RPAP2: variants seen among roughly 807,000 people sequenced by gnomAD.
RPAP2 encodes putative RNA polymerase II subunit B1 CTD phosphatase RPAP2.
In RPAP2, 52 loss-of-function variants were observed where a neutral mutation model predicts 73.1. That is an observed-to-expected ratio of 0.71 (90% CI 0.57 to 0.90). The LOEUF (loss-of-function observed/expected upper bound fraction) is 0.90, where lower values mean the gene tolerates loss of function less well. Ranked by LOEUF, RPAP2 falls within the 40% of genes least tolerant of loss-of-function variation. The pLI is 0.00. For synonymous variants in RPAP2, 225 were observed against 242.1 expected, an observed-to-expected ratio of 0.93 and a Z score of 0.65; for missense variants, 598 against 701.8, an observed-to-expected ratio of 0.85 and a Z score of 1.67.
At chr1:92,307,126 C>G in intron 5 of RPAP2, 62 bp from the exon 6 acceptor site, 1 of 1,099,500 alleles carries the variant, frequency 9.1e-7, no homozygotes, top group South Asian at 1.4e-5. Flanking sequence ...TTTATACTCT[C>G]AACTGTATGT....
rs1656112088 is a variant in RPAP2, at chr1:92,393,705, A to C, written c.*6694A>C. 1 of 152,258 alleles carries C rather than the reference A, an allele frequency of 6.6e-6. No homozygotes were observed. Among genetic ancestry groups the C allele is most frequent in the South Asian group, 2.1e-4 (1 of 4,838 alleles). The allele number at this position is 152,258 out of a possible 1,614,324, so 9.4% of individuals were successfully genotyped here. On this transcript the variant is annotated 3_prime_UTR_variant, in exon 13 of 13. Coordinates refer to ENST00000610020, the MANE Select transcript of RPAP2 (RefSeq NM_024813.3). ...ACTTCTCAAAAGAAGACATTTATGC[A>C]GCCAACAGACATATGAAAAAATGCT...
In RPAP2 at chr1:92,305,432, C is replaced by CAAAAAAAAAAA. The variant is rs71091273; in HGVS notation, c.399+1092_399+1102dup. Among the ~76,000 whole-genome samples, 35 of 52,686 alleles carry CAAAAAAAAAAA rather than the reference C, an allele frequency of 6.6e-4. 5 individuals are homozygous for CAAAAAAAAAAA. The highest frequency in any genetic ancestry group is 3.5e-3 in the African/African-American group (26 of 7,522). The allele number at this position is 52,686 out of a possible 152,430, so 34.6% of individuals were successfully genotyped here. ...GGGGCAACAGAGTGAGGCTCCGTCT[C>CAAAAAAAAAAA]AAAAAAAAAAAAAAAAAAAGACAAT... On this transcript the variant is annotated intron_variant, in intron 5 of 12. Transcript: ENST00000610020.
chr1:92,320,918 T>C (rs1652216593), intron 7 of RPAP2, among the ~76,000 whole-genome samples: 1 of 152,264 alleles, frequency 6.6e-6, no homozygotes, highest in African/African-American at 2.4e-5. Context: ...TCAGATACCA[T>C]GCTTCTTTGT....
intron 11 of RPAP2, among the ~76,000 whole-genome samples, chr1:92,367,241 A>G (rs958945934): frequency 6.6e-6 from 1 of 152,238 alleles, no homozygotes; most frequent in Non-Finnish European, 1.5e-5. Context: ...CCTCAAATAT[A>G]ACCGTATAGC....
At position 92,387,134 on chromosome 1, in the gene RPAP2, T is replaced by A. The variant is rs1441107366; in HGVS notation, c.*123T>A. ...ATTCCAAGACATACCTTTACCTCTT[T>A]AAGTTTCAATCTCCCATCTCCCAGT... On this transcript the variant is annotated 3_prime_UTR_variant, in exon 13 of 13. Transcript: ENST00000610020. 1.0e-6 allele frequency: 1 copy of A among 977,644 alleles called. No homozygotes were observed. Among genetic ancestry groups the A allele is most frequent in the African/African-American group, 1.6e-5 (1 of 60,778 alleles). The allele number at this position is 977,644 out of a possible 1,614,324, so 60.6% of individuals were successfully genotyped here.
At chr1:92,380,222 G>A (rs1655569498) in intron 11 of RPAP2, among the ~76,000 whole-genome samples, 1 of 151,092 alleles carries the variant, frequency 6.6e-6, no homozygotes, top group Admixed American at 6.6e-5. Flanking sequence ...AGGTTGCAGT[G>A]AGCTGAGATT....
chr1:92,333,124 A>G, intron 8 of RPAP2: 1 of 368,044 alleles, frequency 2.7e-6, no homozygotes, highest in Non-Finnish European at 4.9e-6. Context: ...TTTTGTTTAC[A>G]TTTTATTATT....
intron 11 of RPAP2, among the ~76,000 whole-genome samples, chr1:92,362,067 A>G (rs1010274853): frequency 9.9e-5 from 15 of 152,208 alleles, no homozygotes; most frequent in South Asian, 2.1e-4. Context: ...TCAAGAGGCA[A>G]ACTCTTCCTT....
At chr1:92,340,984 A>G (rs1244077629) in intron 10 of RPAP2, among the ~76,000 whole-genome samples, 1 of 152,148 alleles carries the variant, frequency 6.6e-6, no homozygotes, top group Non-Finnish European at 1.5e-5. Context: ...TATGAATTTC[A>G]AATTATGTTT....
intron 9 of RPAP2, among the ~76,000 whole-genome samples, chr1:92,336,078 A>G (rs1653262968): frequency 6.6e-6 from 1 of 152,196 alleles, no homozygotes; most frequent in African/African-American, 2.4e-5. Context: ...ACAGGTAAGT[A>G]AAACTAGGGA....
At chr1:92,368,224 C>T (rs892759592) in intron 11 of RPAP2, among the ~76,000 whole-genome samples, 18 of 152,092 alleles carry the variant, frequency 1.2e-4, no homozygotes, top group Admixed American at 6.6e-4. Flanking sequence ...AATAAAAATA[C>T]ATAAATTAGC....
rs554260535 is a variant in RPAP2 at position 92,326,622 on chromosome 1, A to T, written c.1455+2247A>T. 4.6e-5 allele frequency among the ~76,000 whole-genome samples: 7 copies of T among 152,260 alleles called. No individual in the cohort carries two copies. The South Asian group carries it at 1.5e-3, about 32-fold the overall frequency. ...CGTCTGAACTCAAGACTCCTTGGGCAGGGCTTGCTGTGGCTGTTGTGGGGG... is the reference window on the plus strand; with the variant it reads ...CGTCTGAACTCAAGACTCCTTGGGCTGGGCTTGCTGTGGCTGTTGTGGGGG... On this transcript the variant is annotated intron_variant, in intron 8 of 12. Transcript: ENST00000610020.
At chr1:92,329,176 G>C (rs1652816391) in intron 8 of RPAP2, among the ~76,000 whole-genome samples, 1 of 152,208 alleles carries the variant, frequency 6.6e-6, no homozygotes, top group Non-Finnish European at 1.5e-5. Context: ...GAGGATACAA[G>C]CTTGCTCTGG....
At chr1:92,360,741 C>T (rs1654693389) in intron 11 of RPAP2, among the ~76,000 whole-genome samples, 1 of 152,124 alleles carries the variant, frequency 6.6e-6, no homozygotes, top group Non-Finnish European at 1.5e-5. Context: ...GCCTCCTGTT[C>T]TTAATTTCAA....
chr1:92,333,338 G>C, intron 8 of RPAP2, 53 bp from the exon 9 acceptor site: 1 of 1,407,976 alleles, frequency 7.1e-7, no homozygotes, highest in Non-Finnish European at 1.0e-6. Flanking sequence ...GCTTATCAAA[G>C]AAAGAATGTA....
chr1:92,346,134 T>C (rs1571101360), intron 11 of RPAP2, among the ~76,000 whole-genome samples: 1 of 152,084 alleles, frequency 6.6e-6, no homozygotes, highest in East Asian at 1.9e-4. Flanking sequence ...AATACCTTAT[T>C]CTTTACAAAT....
chr1:92,351,803 G>T (rs776667829), intron 11 of RPAP2, among the ~76,000 whole-genome samples: 2 of 152,092 alleles, frequency 1.3e-5, no homozygotes, highest in Non-Finnish European at 2.9e-5. Flanking sequence ...TGGGAATCAG[G>T]TTTCCTCAAG....
intron 11 of RPAP2, among the ~76,000 whole-genome samples, chr1:92,361,457 T>A (rs1438587354): frequency 6.6e-6 from 1 of 152,170 alleles, no homozygotes; most frequent in Non-Finnish European, 1.5e-5. Flanking sequence ...TATGGACTTA[T>A]GGCATAGATT....
chr1:92,305,934 G>T (rs1216585873), intron 5 of RPAP2, among the ~76,000 whole-genome samples: 2 of 151,894 alleles, frequency 1.3e-5, no homozygotes, highest in African/African-American at 4.8e-5. Flanking sequence ...TCTATTCCTT[G>T]GTATAAACCC....
Sources: gnomAD v4.1 joint callset for allele counts (sites outside exome capture counted in the v4.1 genomes callset) on GRCh38, gnomAD v4.1.1 for gene constraint, MANE v1.5 for transcripts, NCBI Gene and HGNC (gene_info 2026-07-23, HGNC 2026-07-21) for gene names.